ALK: variants seen among roughly 807,000 people sequenced by gnomAD.
The protein encoded by ALK is ALK tyrosine kinase receptor.
A neutral mutation model predicts 163.1 loss-of-function variants in ALK; 74 were observed. The ratio of observed to expected loss-of-function variants is 0.45; its 90% CI spans 0.38 to 0.55. The LOEUF is 0.55. Among genes scored for constraint, ALK ranks in the 20% least tolerant of loss-of-function variants. The pLI, the probability that ALK is intolerant of heterozygous loss-of-function variation, is 0.00. For missense variants in ALK, 2,063 were observed against 2,105.3 expected (o/e 0.98, Z 0.39); for synonymous variants, 960 against 843.2 (o/e 1.14, Z -2.40).
chr2:29,252,816 G>A (rs958617495), intron 11 of ALK, among the ~76,000 whole-genome samples: 3 of 151,386 alleles, frequency 2.0e-5, no homozygotes, highest in Non-Finnish European at 4.4e-5. Flanking sequence ...CTGATTGTTA[G>A]TTTCCTGATT....
intron 5 of ALK, among the ~76,000 whole-genome samples, chr2:29,355,839 T>G (rs571369439): frequency 6.6e-6 from 1 of 152,080 alleles, no homozygotes; most frequent in Admixed American, 6.5e-5. Flanking sequence ...CTACCCTGAG[T>G]TAGGATATAC....
At chr2:29,733,705 G>C (rs1384721281) in intron 1 of ALK, among the ~76,000 whole-genome samples, 1 of 152,162 alleles carries the variant, frequency 6.6e-6, no homozygotes, top group Non-Finnish European at 1.5e-5. Flanking sequence ...CAGCCATTGA[G>C]AGTTCTGAGT....
intron 6 of ALK, among the ~76,000 whole-genome samples, chr2:29,324,818 T>C (rs1459128409): frequency 6.6e-6 from 1 of 152,130 alleles, no homozygotes; most frequent in African/African-American, 2.4e-5. Flanking sequence ...AGTGGCTGTA[T>C]TGGAGAGGGG....
At position 29,421,057 on chromosome 2, in the gene ALK, C is replaced by T. The variant is rs546664816; in HGVS notation, c.1155-37198G>A. On this transcript the variant is annotated intron_variant, in intron 4 of 28. Coordinates refer to ENST00000389048, the MANE Select transcript of ALK (RefSeq NM_004304.5). ...CCATCATTCCACGTTCATCCCAGGG[C>T]AGCTGTGGCGAAACAGTGTCGTTGG... Among the ~76,000 whole-genome samples, 6 of 151,608 alleles carry T rather than the reference C, an allele frequency of 4.0e-5. No individual in the cohort carries two copies. The South Asian group carries it at 1.0e-3, about 26-fold the overall frequency.
At chr2:29,380,131 G>A (rs1032846039) in intron 5 of ALK, among the ~76,000 whole-genome samples, 4 of 147,220 alleles carry the variant, frequency 2.7e-5, no homozygotes, top group South Asian at 2.2e-4. Flanking sequence ...TTTTAAGACA[G>A]AGTCTCACTC....
chr2:29,294,167 T>C (rs1328239087), intron 9 of ALK, among the ~76,000 whole-genome samples: 1 of 152,212 alleles, frequency 6.6e-6, no homozygotes, highest in African/African-American at 2.4e-5. Flanking sequence ...CCATCCTATT[T>C]TTCTATTTTC....
intron 3 of ALK, among the ~76,000 whole-genome samples, chr2:29,609,363 T>C (rs1450386447): frequency 6.6e-6 from 1 of 152,126 alleles, no homozygotes; most frequent in African/African-American, 2.4e-5. Flanking sequence ...GAAGATTTCA[T>C]TATGTGATAG....
At chr2:29,876,661 G>GCAGTGA in intron 1 of ALK, among the ~76,000 whole-genome samples, 1 of 148,294 alleles carries the variant, frequency 6.7e-6, no homozygotes, top group South Asian at 2.2e-4. Context: ...GACGGCGATG[G>GCAGTGA]TGGTGATGAT....
chr2:29,855,291 G>A (rs1325248435), intron 1 of ALK, among the ~76,000 whole-genome samples: 1 of 152,022 alleles, frequency 6.6e-6, no homozygotes, highest in African/African-American at 2.4e-5. Flanking sequence ...AGGCTCTTAG[G>A]TTAAGAGACT....
chr2:29,595,442 T>C (rs1011297232), intron 3 of ALK, among the ~76,000 whole-genome samples: 34 of 150,376 alleles, frequency 2.3e-4, no homozygotes, highest in South Asian at 6.5e-4. Flanking sequence ...TGCCTCAGCC[T>C]CCCGAGTAAC....
intron 4 of ALK, among the ~76,000 whole-genome samples, chr2:29,440,525 C>T (rs1021212485): frequency 6.6e-6 from 1 of 152,114 alleles, no homozygotes; most frequent in Non-Finnish European, 1.5e-5. Flanking sequence ...CCATGTTGGC[C>T]AGGCTGGTCT....
At chr2:29,623,443 A>G (rs1676095369) in intron 3 of ALK, among the ~76,000 whole-genome samples, 1 of 147,300 alleles carries the variant, frequency 6.8e-6, no homozygotes, top group African/African-American at 2.5e-5. Context: ...GACATAAAAC[A>G]CATGGACAGG....
intron 9 of ALK, among the ~76,000 whole-genome samples, chr2:29,282,172 C>T (rs13422795): frequency 0.012 from 1,751 of 152,212 alleles, 31 homozygotes; most frequent in African/African-American, 0.04. Context: ...CTTGTCTGGG[C>T]CCTGGCTGCT....
intron 9 of ALK, among the ~76,000 whole-genome samples, chr2:29,289,423 T>C (rs1665959261): frequency 6.6e-6 from 1 of 152,196 alleles, no homozygotes; most frequent in African/African-American, 2.4e-5. Flanking sequence ...TGGCTTATAA[T>C]TGCCTCTGAG....
intron 3 of ALK, among the ~76,000 whole-genome samples, chr2:29,562,948 A>C (rs865947187): frequency 1.3e-5 from 2 of 152,152 alleles, no homozygotes; most frequent in African/African-American, 2.4e-5. Context: ...GTAAGCTAAG[A>C]TCAAATGCAA....
In ALK at chr2:29,519,438, G is replaced by C. The variant is rs116247640; in HGVS notation, c.1154+12477C>G. On this transcript the variant is annotated intron_variant, in intron 4 of 28. Transcript: ENST00000389048. The stretch of plus-strand genomic sequence containing the variant: ...AGTCATGTAGGATTGTGAAATTGGA[G>C]AGGCAGTCATGGGTGAAGGCCAAGA... Among the ~76,000 whole-genome samples, 1,114 of 152,328 alleles carry C rather than the reference G, an allele frequency of 7.3e-3. 24 individuals carry two copies. The highest frequency in any genetic ancestry group is 0.025 in the African/African-American group (1,035 of 41,584).
At chr2:29,250,944 A>T (rs1664798603) in intron 12 of ALK, among the ~76,000 whole-genome samples, 161 bp downstream of exon 12, 2 of 151,962 alleles carry the variant, frequency 1.3e-5, no homozygotes, top group African/African-American at 4.8e-5. Flanking sequence ...CACTCTCCCA[A>T]ATCTCCCCAT....
At chr2:29,497,575 G>T (rs1672062544) in intron 4 of ALK, among the ~76,000 whole-genome samples, 1 of 152,120 alleles carries the variant, frequency 6.6e-6, no homozygotes, top group Admixed American at 6.5e-5. Context: ...ATGCTCTGTT[G>T]CTGCTAATCA....
At chr2:29,731,907 G>T (rs543611928) in intron 1 of ALK, among the ~76,000 whole-genome samples, 2 of 152,286 alleles carry the variant, frequency 1.3e-5, no homozygotes, top group Admixed American at 1.3e-4. Context: ...ACCTGTAAAG[G>T]TGTTGTAGGA....
Sources: gnomAD v4.1 joint callset for allele counts (sites outside exome capture counted in the v4.1 genomes callset) on GRCh38, gnomAD v4.1.1 for gene constraint, MANE v1.5 for transcripts, NCBI Gene and HGNC (gene_info 2026-07-23, HGNC 2026-07-21) for gene names.